HMGCLL1: variants seen among roughly 807,000 people sequenced by gnomAD.
HMGCLL1 encodes 3-hydroxy-3-methylglutaryl-CoA lyase like 1.
In HMGCLL1, 36 loss-of-function variants were observed where a neutral mutation model predicts 39.1. That is an observed-to-expected ratio of 0.92 (90% CI 0.71 to 1.22). The LOEUF (loss-of-function observed/expected upper bound fraction) is 1.22. Ranked by LOEUF, HMGCLL1 falls within the 50% of genes most tolerant of loss-of-function variation. HMGCLL1 has a pLI of 0.00. For missense variants in HMGCLL1, 451 were observed against 416.5 expected, an observed-to-expected ratio of 1.08 and a Z score of -0.72; for synonymous variants, 149 against 144.0, an observed-to-expected ratio of 1.03 and a Z score of -0.25.
the HMGCLL1 span, among the ~76,000 whole-genome samples, chr6:55,636,121 T>A: frequency 6.6e-6 from 1 of 152,082 alleles, no homozygotes; most frequent in East Asian, 1.9e-4. Context: ...ATTAATAATA[T>A]GACCTAGGAC....
At chr6:55,675,439 G>A in the HMGCLL1 span, among the ~76,000 whole-genome samples, 1 of 152,126 alleles carries the variant, frequency 6.6e-6, no homozygotes, top group East Asian at 1.9e-4. Context: ...ACAATAAAAT[G>A]TTTTCCATTT....
At chr6:55,442,849 T>C (rs2127382709) in intron 7 of HMGCLL1, among the ~76,000 whole-genome samples, 1 of 152,286 alleles carries the variant, frequency 6.6e-6, no homozygotes, top group East Asian at 1.9e-4. Flanking sequence ...TGTGGCATTG[T>C]TCAGTACTTG....
intron 3 of HMGCLL1, among the ~76,000 whole-genome samples, chr6:55,521,377 T>C (rs1241023777): frequency 6.6e-6 from 1 of 152,112 alleles, no homozygotes; most frequent in Non-Finnish European, 1.5e-5. Context: ...GACCTAGCTT[T>C]ATTCAGCTGT....
chr6:55,509,543 G>A (rs545314275), intron 5 of HMGCLL1, among the ~76,000 whole-genome samples: 1 of 151,822 alleles, frequency 6.6e-6, no homozygotes, highest in Non-Finnish European at 1.5e-5. Context: ...TCAGCAAGTA[G>A]GTTGCAAGTT....
intron 7 of HMGCLL1, among the ~76,000 whole-genome samples, chr6:55,475,178 C>G (rs1765232207): frequency 6.6e-6 from 1 of 151,478 alleles, no homozygotes; most frequent in Non-Finnish European, 1.5e-5. Context: ...GGATAAGGTA[C>G]TAGTAATTTC....
At chr6:55,634,472 CAA>C in the HMGCLL1 span, among the ~76,000 whole-genome samples, 3 of 152,078 alleles carry the variant, frequency 2.0e-5, no homozygotes, top group African/African-American at 7.2e-5. Flanking sequence ...GAATTTAAGA[CAA>C]AGAGGAATTG....
At chr6:55,574,792 A>C in intron 1 of HMGCLL1, among the ~76,000 whole-genome samples, 1 of 152,130 alleles carries the variant, frequency 6.6e-6, no homozygotes, top group Non-Finnish European at 1.5e-5. Flanking sequence ...TTTAAGCAGA[A>C]ATATAATACA....
chr6:55,640,575 T>TA, the HMGCLL1 span, among the ~76,000 whole-genome samples: 1 of 151,784 alleles, frequency 6.6e-6, no homozygotes. Context: ...TCACTAGCAC[T>TA]ATAATGAGGT....
chr6:55,589,468 A>G, the HMGCLL1 span, among the ~76,000 whole-genome samples: 1 of 152,178 alleles, frequency 6.6e-6, no homozygotes, highest in Admixed American at 6.6e-5. Context: ...AAAAACTGGA[A>G]GCATTCCCTT....
the HMGCLL1 span, among the ~76,000 whole-genome samples, chr6:55,648,282 C>A: frequency 6.6e-6 from 1 of 151,300 alleles, no homozygotes; most frequent in South Asian, 2.1e-4. Context: ...TGGGTATATA[C>A]CCAGTACATC....
intron 1 of HMGCLL1, chr6:55,566,538 T>G (rs866649441): frequency 2.2e-6 from 1 of 452,022 alleles, no homozygotes; most frequent in Non-Finnish European, 4.4e-6. Flanking sequence ...CACTGAATCC[T>G]AAACCGGAGA....
At chr6:55,601,341 C>T in the HMGCLL1 span, among the ~76,000 whole-genome samples, 1 of 152,126 alleles carries the variant, frequency 6.6e-6, no homozygotes, top group Non-Finnish European at 1.5e-5. Context: ...TAACTGGTGA[C>T]TGCAGGTATG....
chr6:55,606,117 G>A, the HMGCLL1 span, among the ~76,000 whole-genome samples: 2 of 152,000 alleles, frequency 1.3e-5, no homozygotes, highest in African/African-American at 2.4e-5. Flanking sequence ...TCATTGTTCT[G>A]TAAATCCTCT....
chr6:55,668,516 C>G, the HMGCLL1 span, among the ~76,000 whole-genome samples: 297 of 151,888 alleles, frequency 2.0e-3, no homozygotes, highest in African/African-American at 6.7e-3. Context: ...ACTATAAAAC[C>G]TAGGCAGATT....
At chr6:55,539,711 G>A (rs150987575) in intron 3 of HMGCLL1, among the ~76,000 whole-genome samples, 1 of 151,252 alleles carries the variant, frequency 6.6e-6, no homozygotes, top group Admixed American at 6.6e-5. Flanking sequence ...AAGAGTTGAG[G>A]GGGGGAGGAG....
intron 1 of HMGCLL1, among the ~76,000 whole-genome samples, chr6:55,553,157 C>CTATATATA (rs1252439459): frequency 8.6e-6 from 1 of 116,900 alleles, no homozygotes; most frequent in Non-Finnish European, 1.9e-5. Flanking sequence ...CTCTCTCTCT[C>CTATATATA]TCTATATATA....
the HMGCLL1 span, among the ~76,000 whole-genome samples, chr6:55,648,369 G>A: frequency 7.0e-6 from 1 of 142,230 alleles, no homozygotes; most frequent in Admixed American, 7.1e-5. Flanking sequence ...TAAAATCAGA[G>A]CAGAACTTAA....
At chr6:55,650,364 A>G in the HMGCLL1 span, among the ~76,000 whole-genome samples, 1 of 151,580 alleles carries the variant, frequency 6.6e-6, no homozygotes, top group Admixed American at 6.6e-5. Context: ...TTGGTCCCCA[A>G]GCCTAACACT....
At chr6:55,510,247 A>G (rs969526245) in intron 5 of HMGCLL1, among the ~76,000 whole-genome samples, 6 of 151,968 alleles carry the variant, frequency 3.9e-5, no homozygotes, top group Non-Finnish European at 2.9e-5. Flanking sequence ...GAAGTATAAG[A>G]TGTAATTATG....
Sources: allele counts gnomAD v4.1 joint callset (sites outside exome capture counted in the v4.1 genomes callset), GRCh38; gene constraint gnomAD v4.1.1; transcripts MANE v1.5; gene names NCBI Gene and HGNC (gene_info 2026-07-23, HGNC 2026-07-21).